Variants in NSL1 observed in about 807,000 individuals in gnomAD.
NSL1 encodes the protein NSL1 component of MIS12 kinetochore complex.
A neutral mutation model predicts 25.4 loss-of-function variants in NSL1; 11 were observed. That is an observed-to-expected ratio of 0.43 (90% CI 0.27 to 0.72). NSL1 has a LOEUF of 0.72. Among genes scored for constraint, NSL1 ranks in the 30% least tolerant of loss-of-function variants. NSL1 has a pLI of 0.19. For synonymous variants in NSL1, 118 were observed against 120.6 expected (o/e 0.98, Z 0.14); for missense variants, 330 against 342.7 (o/e 0.96, Z 0.29).
chr1:212,742,030 A>G (rs1412594839), intron 4 of NSL1, among the ~76,000 whole-genome samples: 2 of 152,148 alleles, frequency 1.3e-5, no homozygotes, highest in Admixed American at 1.3e-4. Flanking sequence ...TCTCAACCCT[A>G]TCAGACCCGA....
chr1:212,771,611 C>CAAAAAAAAAAAAAAAA, intron 4 of NSL1, among the ~76,000 whole-genome samples: 1 of 63,906 alleles, frequency 1.6e-5, no homozygotes, highest in Non-Finnish European at 3.4e-5. Flanking sequence ...AAGACTCCAC[C>CAAAAAAAAAAAAAAAA]AAAAAAAAAA....
At chr1:212,751,270 T>C (rs900627290) in intron 4 of NSL1, among the ~76,000 whole-genome samples, 5 of 152,186 alleles carry the variant, frequency 3.3e-5, no homozygotes, top group Admixed American at 2.6e-4. Flanking sequence ...ATTCCTATAG[T>C]AGTATGGGCT....
chr1:212,780,499 A>AT (rs1320892790), intron 4 of NSL1, among the ~76,000 whole-genome samples: 61 of 126,250 alleles, frequency 4.8e-4, no homozygotes, highest in Non-Finnish European at 7.8e-4. Flanking sequence ...AGAATGATCA[A>AT]TAAAAAAAAA....
rs1659225281 is a variant in NSL1 at position 212,754,773 on chromosome 1, A to AAAAAAAAAAAAC, written c.500-15173_500-15172insGTTTTTTTTTTT. On this transcript the variant is annotated intron_variant, in intron 4 of 5. Transcript: ENST00000366977. ...AACAAGAGTAAAATTCTGTCTCAAA[A>AAAAAAAAAAAAC]AAAAAAAAAAAACCAACTCAAAAGA... 4.6e-5 allele frequency among the ~76,000 whole-genome samples: 7 copies of AAAAAAAAAAAAC among 150,668 alleles called. No individual in the cohort carries two copies. In the South Asian group the frequency reaches 1.5e-3, roughly 32 times the overall value.
chr1:212,785,847 G>A (rs1212006970), intron 2 of NSL1, among the ~76,000 whole-genome samples: 1 of 152,092 alleles, frequency 6.6e-6, no homozygotes, highest in Non-Finnish European at 1.5e-5. Flanking sequence ...GCTTTATTAG[G>A]AAGAAATCTA....
In NSL1 at chr1:212,729,718, A is replaced by C. The variant is rs1171550820; in HGVS notation, c.*8690T>G. 7 of 985,318 alleles carry C rather than the reference A, an allele frequency of 7.1e-6. No homozygotes were observed. The African/African-American group carries it at 1.2e-4, about 17-fold the overall frequency. 61.0% of individuals were successfully genotyped at this position (985,318 alleles called of 1,614,324 possible). On this transcript the variant is annotated 3_prime_UTR_variant, in exon 6 of 6. Coordinates refer to ENST00000366977, the MANE Select transcript of NSL1 (RefSeq NM_015471.4). Reference sequence around the variant, plus strand: ...AAATGAAGCAAGATACCAAGGTCAAATCCTCCTCTCTTTTCCTTTTTCCTA... The same window carrying C: ...AAATGAAGCAAGATACCAAGGTCAACTCCTCCTCTCTTTTCCTTTTTCCTA...
Position 212,727,063 on chromosome 1 carries a change from G to C in NSL1, c.*11345C>G. On this transcript the variant is annotated 3_prime_UTR_variant, in exon 6 of 6. Transcript: ENST00000366977. Reference sequence around the variant, plus strand: ...GCCGAGAGAGGGAGGGCGGGCTCTGGGTCACCCAGCTTCATCCTCTTCATC... The same window carrying C: ...GCCGAGAGAGGGAGGGCGGGCTCTGCGTCACCCAGCTTCATCCTCTTCATC... 1 of 1,525,028 alleles carries C rather than the reference G, an allele frequency of 6.6e-7. No homozygotes were observed. The highest frequency in any genetic ancestry group is 8.8e-7 in the Non-Finnish European group (1 of 1,134,596). The allele number at this position is 1,525,028 out of a possible 1,614,324, so 94.5% of individuals were successfully genotyped here. A position where few individuals can be genotyped will look rare whatever the true frequency, so the allele number is the denominator to read the frequency against.
chr1:212,753,423 T>G (rs187109633), intron 4 of NSL1, among the ~76,000 whole-genome samples: 1 of 152,364 alleles, frequency 6.6e-6, no homozygotes, highest in Admixed American at 6.5e-5. Flanking sequence ...GCTCTTTTTC[T>G]TGATCATCAC....
rs1280945718 is a variant in NSL1 at position 212,731,724 on chromosome 1, C to T, written c.*6684G>A. Reference sequence around the variant, plus strand: ...AATCAGCTTTTTAGACATCCACTGACTTCCAGTTGTGGTGGGTGAAGATTT... The same window carrying T: ...AATCAGCTTTTTAGACATCCACTGATTTCCAGTTGTGGTGGGTGAAGATTT... On this transcript the variant is annotated 3_prime_UTR_variant, in exon 6 of 6. Coordinates refer to ENST00000366977, the MANE Select transcript of NSL1 (RefSeq NM_015471.4). 6.1e-6 allele frequency: 6 copies of T among 985,342 alleles called. No homozygotes were observed. The highest frequency in any genetic ancestry group is 7.2e-6 in the Non-Finnish European group (6 of 829,948). The allele number at this position is 985,342 out of a possible 1,614,324, so 61.0% of individuals were successfully genotyped here. A position where few individuals can be genotyped will look rare whatever the true frequency, so the allele number is the denominator to read the frequency against.
chr1:212,778,730 G>A (rs1287803070), intron 4 of NSL1, among the ~76,000 whole-genome samples: 2 of 149,946 alleles, frequency 1.3e-5, no homozygotes, highest in East Asian at 2.0e-4. Context: ...GAGTGCAGTG[G>A]CGTGATCTCG....
chr1:212,787,696 C>A, intron 1 of NSL1, 59 bp from the exon 2 acceptor site: 1 of 1,175,276 alleles, frequency 8.5e-7, no homozygotes. Flanking sequence ...TAAATTCAAA[C>A]GTTTTAGCAA....
rs375729482 is a variant in NSL1 at position 212,727,925 on chromosome 1, C to T, written c.*10483G>A. 3.0e-4 allele frequency: 291 copies of T among 985,242 alleles called. No homozygotes were observed. Among genetic ancestry groups the T allele is most frequent in the Middle Eastern group, 5.2e-4 (1 of 1,936 alleles). 61.0% of individuals were successfully genotyped at this position (985,242 alleles called of 1,614,324 possible). On this transcript the variant is annotated 3_prime_UTR_variant, in exon 6 of 6. Transcript: ENST00000366977. Reference sequence around the variant, plus strand: ...AAAAAATGAGAAGAACCAACGAGGTCGCTGTGGTGTAGCGGTGAGAGCGTC... The same window carrying T: ...AAAAAATGAGAAGAACCAACGAGGTTGCTGTGGTGTAGCGGTGAGAGCGTC...
chr1:212,727,518 A>C lies in NSL1; in HGVS notation c.*10890T>G. 2 of 985,440 alleles carry C rather than the reference A, an allele frequency of 2.0e-6. No individual in the cohort carries two copies. The highest frequency in any genetic ancestry group is 2.4e-6 in the Non-Finnish European group (2 of 829,906). 61.0% of individuals were successfully genotyped at this position (985,440 alleles called of 1,614,324 possible). ...TGCAATTTAGGTTAATATCATAACT[A>C]TACCACTGGAGAGAAAGGACAATGA... On this transcript the variant is annotated 3_prime_UTR_variant, in exon 6 of 6. Transcript: ENST00000366977.
intron 4 of NSL1, among the ~76,000 whole-genome samples, chr1:212,765,753 C>T (rs998423441): frequency 2.0e-5 from 3 of 152,058 alleles, no homozygotes; most frequent in East Asian, 3.9e-4. Flanking sequence ...CTGCAGTGAG[C>T]CAGATCGCAC....
chr1:212,790,016 T>A (rs1661116835), intron 1 of NSL1, among the ~76,000 whole-genome samples: 1 of 151,982 alleles, frequency 6.6e-6, no homozygotes, highest in African/African-American at 2.4e-5. Flanking sequence ...ATTCTTCCAC[T>A]GAACCTTTTT....
chr1:212,778,979 C>G (rs1490559049), intron 4 of NSL1, among the ~76,000 whole-genome samples: 1 of 151,752 alleles, frequency 6.6e-6, no homozygotes, highest in Non-Finnish European at 1.5e-5. Flanking sequence ...GCCGCCATCC[C>G]ATCTAGGAAG....
Position 212,737,649 on chromosome 1 carries a change from T to G in NSL1, c.*759A>C, listed in dbSNP as rs1039440087. On this transcript the variant is annotated 3_prime_UTR_variant, in exon 6 of 6. Transcript: ENST00000366977. ...TATTAATCTGATATATATTTTGAAC[T>G]GGAATGATTTGTAAAGAAATAAATA... 4.2e-6 allele frequency: 4 copies of G among 949,564 alleles called. No individual in the cohort carries two copies. The highest frequency in any genetic ancestry group is 1.2e-4 in the Admixed American group (2 of 16,222). 58.8% of individuals were successfully genotyped at this position (949,564 alleles called of 1,614,324 possible). A position where few individuals can be genotyped will look rare whatever the true frequency, so the allele number is the denominator to read the frequency against.
intron 4 of NSL1, among the ~76,000 whole-genome samples, chr1:212,776,064 C>T (rs1660351530): frequency 6.6e-6 from 1 of 152,172 alleles, no homozygotes; most frequent in African/African-American, 2.4e-5. Flanking sequence ...ATCCGCCCAC[C>T]TCGGCCTCCC....
At chr1:212,777,840 ATTCT>A (rs1220921764) in intron 4 of NSL1, among the ~76,000 whole-genome samples, 4 of 152,228 alleles carry the variant, frequency 2.6e-5, no homozygotes, top group Non-Finnish European at 5.9e-5. Context: ...ATTATGTTGC[ATTCT>A]TTATTTTCTA....
Sources: gnomAD v4.1 joint callset for allele counts (sites outside exome capture counted in the v4.1 genomes callset) on GRCh38, gnomAD v4.1.1 for gene constraint, MANE v1.5 for transcripts, NCBI Gene and HGNC (gene_info 2026-07-23, HGNC 2026-07-21) for gene names.